Variants in DENND5A observed in about 807,000 individuals in gnomAD.
DENND5A encodes the protein DENN domain containing 5A.
A neutral mutation model predicts 140.3 loss-of-function variants in DENND5A; 64 were observed. The observed-to-expected ratio is 0.46, with a 90% confidence interval of 0.37 to 0.56. The LOEUF (loss-of-function observed/expected upper bound fraction) is 0.56, where lower values mean the gene tolerates loss of function less well. DENND5A is among the 20% of genes least tolerant of loss of function. DENND5A has a pLI of 0.00. For missense variants in DENND5A, 1,292 were observed against 1,593.8 expected (o/e 0.81, Z 3.22); for synonymous variants, 605 against 607.7 (o/e 1.00, Z 0.07).
intron 1 of DENND5A, among the ~76,000 whole-genome samples, chr11:9,215,520 A>C (rs1850052911): frequency 1.3e-5 from 2 of 150,926 alleles, no homozygotes; most frequent in Admixed American, 1.3e-4. Context: ...ATGGTCTTTT[A>C]GACCAGTCTA....
At chr11:9,166,036 G>A (rs1215265798) in intron 10 of DENND5A, 69 bp from the exon 11 acceptor site, 7 of 1,473,014 alleles carry the variant, frequency 4.8e-6, no homozygotes, top group Non-Finnish European at 6.6e-6. Context: ...CAGTACTGGT[G>A]GGTGCCTGAA....
chr11:9,143,514 C>T (rs1379926135), intron 19 of DENND5A, 29 bp from the exon 20 acceptor site: 1 of 1,577,878 alleles, frequency 6.3e-7, no homozygotes, highest in South Asian at 1.1e-5. Context: ...ACATCCCTAA[C>T]CAATCTCTGA....
At position 9,139,038 on chromosome 11, in the gene DENND5A, TTA is replaced by T. The variant is rs111360702; in HGVS notation, c.*631_*632del. The T allele has an allele frequency of 0.078, 11,927 of 152,684 alleles. 513 individuals carry two copies. The highest frequency in any genetic ancestry group is 0.11 in the South Asian group (526 of 4,826). The allele number at this position is 152,684 out of a possible 1,614,324, so 9.5% of individuals were successfully genotyped here. A position where few individuals can be genotyped will look rare whatever the true frequency, so the allele number is the denominator to read the frequency against. ...AAAAGAAAAACCTGTTAAAACATGC[TTA>T]TGTTTACTTCTGTGAAACTGTGCCA... is the stretch of plus-strand genomic sequence containing the variant. On this transcript the variant is annotated 3_prime_UTR_variant, in exon 23 of 23. Transcript: ENST00000328194.
intron 22 of DENND5A, among the ~76,000 whole-genome samples, chr11:9,141,640 G>C (rs960648219): frequency 1.3e-5 from 2 of 152,196 alleles, no homozygotes; most frequent in Admixed American, 6.5e-5. Flanking sequence ...ACAATGGTAA[G>C]TATTTGGGTA....
intron 1 of DENND5A, among the ~76,000 whole-genome samples, chr11:9,233,316 T>C (rs921667527): frequency 6.6e-6 from 1 of 151,578 alleles, no homozygotes; most frequent in Non-Finnish European, 1.5e-5. Context: ...GGAGAATTGT[T>C]TGAACCCAGG....
chr11:9,227,738 A>G (rs2136244942), intron 1 of DENND5A, among the ~76,000 whole-genome samples: 1 of 151,992 alleles, frequency 6.6e-6, no homozygotes, highest in East Asian at 1.9e-4. Flanking sequence ...TGGGAGGATC[A>G]CCTGACGCCA....
At chr11:9,215,076 C>CT (rs1850036632) in intron 1 of DENND5A, among the ~76,000 whole-genome samples, 1 of 152,204 alleles carries the variant, frequency 6.6e-6, no homozygotes, top group Admixed American at 6.5e-5. Context: ...AGGAAAGCTG[C>CT]TTACCAGGCT....
At chr11:9,170,017 G>A (rs1026726753) in intron 9 of DENND5A, 68 bp from the exon 10 acceptor site, 2 of 1,137,218 alleles carry the variant, frequency 1.8e-6, no homozygotes, top group African/African-American at 3.1e-5. Flanking sequence ...CAACTAACAG[G>A]AGAAAACATG....
At chr11:9,180,568 C>T (rs1355553321) in intron 6 of DENND5A, among the ~76,000 whole-genome samples, 199 bp downstream of exon 6, 4 of 152,210 alleles carry the variant, frequency 2.6e-5, no homozygotes. Context: ...GCGGAAGCTA[C>T]TCAGATTTAG....
chr11:9,196,037 A>G (rs1436279076), intron 4 of DENND5A, among the ~76,000 whole-genome samples: 1 of 151,972 alleles, frequency 6.6e-6, no homozygotes, highest in African/African-American at 2.4e-5. Flanking sequence ...ACTGCAACCT[A>G]TGCTTCCCAG....
intron 1 of DENND5A, among the ~76,000 whole-genome samples, chr11:9,260,824 T>G (rs1852163083): frequency 6.6e-6 from 1 of 152,108 alleles, no homozygotes; most frequent in Non-Finnish European, 1.5e-5. Flanking sequence ...CTATGCTTAT[T>G]TGGGTTTTTT....
In DENND5A at chr11:9,139,707, C is replaced by T. The variant is rs774940802; in HGVS notation, c.3828G>A (p.Thr1276=). The change falls in exon 23 of 23, where the codon ACG becomes ACA. Residue 1276 remains threonine (T), a synonymous_variant. Coordinates refer to ENST00000328194, the MANE Select transcript of DENND5A (RefSeq NM_015213.4). ...VLQTLQEFNI[T]LETSLVKGID... is the part of the protein sequence containing the mutation. ...TGCCCTTGACAAGGGACGTCTCCAG[C>T]GTGATGTTGAACTCCTGCAATGTCT... 5.0e-6 allele frequency: 8 copies of T among 1,613,908 alleles called. No individual in the cohort carries two copies. The highest frequency in any genetic ancestry group is 2.2e-5 in the East Asian group (1 of 44,858).
chr11:9,250,288 CT>C (rs1488529481), intron 1 of DENND5A, among the ~76,000 whole-genome samples: 2 of 151,094 alleles, frequency 1.3e-5, no homozygotes, highest in Non-Finnish European at 3.0e-5. Flanking sequence ...AAAAAAGTTT[CT>C]TAGAAGCAAA....
intron 11 of DENND5A, among the ~76,000 whole-genome samples, chr11:9,164,194 ATTTTTTTTTTTTTTTTTTT>A (rs779522112): frequency 2.0e-4 from 16 of 79,070 alleles, no homozygotes; most frequent in African/African-American, 5.8e-4. Flanking sequence ...ACCACGCCTA[ATTTTTTTTTTTTTTTTTTT>A]TTTTTTTTTT....
At chr11:9,233,541 A>C (rs1321167312) in intron 1 of DENND5A, among the ~76,000 whole-genome samples, 1 of 152,146 alleles carries the variant, frequency 6.6e-6, no homozygotes, top group Admixed American at 6.6e-5. Flanking sequence ...AGGATCTTAC[A>C]GATGTAGTCA....
At chr11:9,209,281 T>A (rs1057009190) in intron 1 of DENND5A, among the ~76,000 whole-genome samples, 1 of 152,140 alleles carries the variant, frequency 6.6e-6, no homozygotes, top group East Asian at 1.9e-4. Flanking sequence ...CTAAAATGGC[T>A]GTAAGGAGCT....
chr11:9,146,805 T>G (rs745757129), intron 16 of DENND5A: 4 of 496,156 alleles, frequency 8.1e-6, no homozygotes, highest in Middle Eastern at 5.5e-4. Context: ...GACAACACAA[T>G]GGCAAAAAAG....
intron 15 of DENND5A, 74 bp downstream of exon 15, chr11:9,150,007 C>G (rs936542551): frequency 1.3e-6 from 2 of 1,540,292 alleles, no homozygotes; most frequent in African/African-American, 1.4e-5. Context: ...AATACTCCCC[C>G]TTCCCACACA....
chr11:9,222,305 T>C (rs535045190), intron 1 of DENND5A, among the ~76,000 whole-genome samples: 1 of 150,696 alleles, frequency 6.6e-6, no homozygotes, highest in South Asian at 2.1e-4. Context: ...AGACAGTATC[T>C]TTTTTAACAT....
Sources: gnomAD v4.1 joint callset for allele counts (sites outside exome capture counted in the v4.1 genomes callset) on GRCh38, gnomAD v4.1.1 for gene constraint, MANE v1.5 for transcripts, NCBI Gene and HGNC (gene_info 2026-07-23, HGNC 2026-07-21) for gene names.